Variants in NUMBL observed in about 807,000 individuals in gnomAD.
NUMBL encodes numb-like protein.
NUMBL carries 20 observed loss-of-function variants against 48.9 expected under a neutral mutation model. The ratio of observed to expected loss-of-function variants is 0.41; its 90% confidence interval spans 0.29 to 0.59. The LOEUF is 0.59. Ranked by LOEUF, NUMBL falls within the 20% of genes least tolerant of loss-of-function variation. The pLI is 0.31. For missense variants in NUMBL, 660 were observed against 846.2 expected (o/e 0.78, Z 2.73); for synonymous variants, 340 against 348.7 (o/e 0.98, Z 0.28).
intron 9 of NUMBL, among the ~76,000 whole-genome samples, chr19:40,669,249 C>G (rs894939143): frequency 6.6e-6 from 1 of 152,012 alleles, no homozygotes; most frequent in Non-Finnish European, 1.5e-5. Flanking sequence ...TCCTATGGCT[C>G]TAAGATGATC....
At chr19:40,675,574 TAAACAC>T (rs2081871455) in intron 7 of NUMBL, among the ~76,000 whole-genome samples, 1 of 121,574 alleles carries the variant, frequency 8.2e-6, no homozygotes, top group Non-Finnish European at 1.7e-5. Context: ...AATTATATTT[TAAACAC>T]ACACACACAC....
At chr19:40,672,297 C>T (rs17630360) in intron 8 of NUMBL, among the ~76,000 whole-genome samples, 4,895 of 152,254 alleles carry the variant, frequency 0.032, 121 homozygotes, top group Non-Finnish European at 0.036. Context: ...TCACCTTACC[C>T]GTCACCTGTC....
Position 40,682,809 on chromosome 19 carries a change from G to A in NUMBL, c.325-7C>T, listed in dbSNP as rs1434237030. ...TCACGGACTTTCGGCCCATCTGGAG[G>A]GAGGCAAGGGGACAAAGGAGCCGGG... On this transcript the variant is annotated splice_region_variant and splice_polypyrimidine_tract_variant and intron_variant, in intron 4 of 9. Transcript: ENST00000252891. The surrounding 1 kb of genome is among the most constrained non-coding windows in gnomAD (Gnocchi z 4.0). 2 of 1,614,148 alleles carry A rather than the reference G, an allele frequency of 1.2e-6. No individual in the cohort carries two copies. The highest frequency in any genetic ancestry group is 1.7e-6 in the Non-Finnish European group (2 of 1,180,020).
chr19:40,684,915 T>G (rs1599913777), intron 2 of NUMBL: 3 of 251,754 alleles, frequency 1.2e-5, no homozygotes, highest in Non-Finnish European at 2.3e-5. Context: ...ACACAAAGGG[T>G]GGGAAATCAG....
rs543740484 is a variant in NUMBL at position 40,687,351 on chromosome 19, A to T, written c.25-356T>A. On this transcript the variant is annotated intron_variant, in intron 1 of 9. Transcript: ENST00000252891. The surrounding 1 kb of genome is among the most constrained non-coding windows in gnomAD (Gnocchi z 4.6). Reference sequence around the variant, plus strand: ...CTAGCATCTGGCCACAGCTTTACACACTTGGTTACACATAGACGCAATCAC... The same window carrying T: ...CTAGCATCTGGCCACAGCTTTACACTCTTGGTTACACATAGACGCAATCAC... Among the ~76,000 whole-genome samples the T allele has an allele frequency of 6.6e-6, 1 of 152,242 alleles. No homozygotes were observed. Among genetic ancestry groups the T allele is most frequent in the East Asian group, 1.9e-4 (1 of 5,188 alleles).
At chr19:40,671,757 A>T (rs2081849234) in intron 8 of NUMBL, among the ~76,000 whole-genome samples, 1 of 152,210 alleles carries the variant, frequency 6.6e-6, no homozygotes, top group Admixed American at 6.5e-5. Context: ...GGAGCAAGAG[A>T]GTGGGCCAGA....
chr19:40,680,696 G>A (rs1035921022), intron 6 of NUMBL, among the ~76,000 whole-genome samples: 7 of 152,040 alleles, frequency 4.6e-5, no homozygotes, highest in Admixed American at 1.3e-4. Context: ...CAATCCCCCC[G>A]CCCCAGCATC....
In NUMBL at chr19:40,673,438, C is replaced by T. The variant is rs149576072; in HGVS notation, c.942G>A (p.Gln314=). 13 of 1,612,126 alleles carry T rather than the reference C, an allele frequency of 8.1e-6. No homozygotes were observed. Among genetic ancestry groups the T allele is most frequent in the African/African-American group, 4.0e-5 (3 of 74,894 alleles). The change falls in exon 8 of 10, where the codon CAG becomes CAA. Residue 314 remains glutamine (Q), a synonymous_variant. Coordinates refer to ENST00000252891, the MANE Select transcript of NUMBL (RefSeq NM_004756.5). This position sits in a 1 kb window ranked among gnomAD's most constrained non-coding sequence, Gnocchi z 5.9. The part of the protein sequence containing the change: ...GSFRGFPALS[Q]KNSPFKRQLS... ...GCTGCCGTTTGAAAGGCGAGTTCTT[C>T]TGGCTGAGTGCTGGGAACCCACGGA...
Position 40,682,597 on chromosome 19 carries a change from G to A in NUMBL, c.399+131C>T, listed in dbSNP as rs1229234730. 4.2e-5 allele frequency: 32 copies of A among 754,238 alleles called. No individual in the cohort carries two copies. Among genetic ancestry groups the A allele is most frequent in the Non-Finnish European group, 6.5e-5 (30 of 458,660 alleles). The allele number at this position is 754,238 out of a possible 1,614,324, so 46.7% of individuals were successfully genotyped here. A position where few individuals can be genotyped will look rare whatever the true frequency, so the allele number is the denominator to read the frequency against. On this transcript the variant is annotated intron_variant, in intron 5 of 9. Transcript: ENST00000252891. This position sits in a 1 kb window ranked among gnomAD's most constrained non-coding sequence, Gnocchi z 4.0. ...TTATTCCTGAGTTATGACGACAGAG[G>A]GAGCACACGGCATCGTCTAGAAGGT... is the stretch of plus-strand genomic sequence containing the variant.
In NUMBL at chr19:40,667,815, G is replaced by C; in HGVS notation, c.1483C>G (p.Pro495Ala). ...GGCATCGGTGGGTAGCCCAAGCCCG[G>C]GTAGGCGGGCACAAAAGGGGGCTGC... ...HMQPPFVPAY[P>A]GLGYPPMPRV... The change falls in exon 10 of 10, where the codon CCG becomes GCG. Residue 495 changes from proline to alanine, a missense_variant. Physicochemically the swap from Pro to Ala is conservative, Grantham distance 27. Coordinates refer to ENST00000252891, the MANE Select transcript of NUMBL (RefSeq NM_004756.5). This position sits in a 1 kb window ranked among gnomAD's most constrained non-coding sequence, Gnocchi z 6.1. The C allele has an allele frequency of 6.3e-7, 1 of 1,586,490 alleles. No homozygotes were observed. Among genetic ancestry groups the C allele is most frequent in the Non-Finnish European group, 8.6e-7 (1 of 1,166,868 alleles).
chr19:40,690,235 C>T (rs1280479652), intron 1 of NUMBL: 17 of 366,584 alleles, frequency 4.6e-5, no homozygotes, highest in Non-Finnish European at 8.3e-5. Context: ...TGTCCAGGAT[C>T]CCTATTTCCA....
At chr19:40,670,615 C>T (rs1006803775) in intron 8 of NUMBL, among the ~76,000 whole-genome samples, 2 of 152,230 alleles carry the variant, frequency 1.3e-5, no homozygotes, top group Admixed American at 1.3e-4. Context: ...GTGTGTGACA[C>T]ATGTCTGTGA....
intron 6 of NUMBL, 21 bp from the exon 7 acceptor site, chr19:40,677,442 G>A: frequency 5.0e-6 from 8 of 1,600,380 alleles, no homozygotes; most frequent in Non-Finnish European, 6.8e-6. Context: ...AGGATGGGCG[G>A]GGGGGTTAGA....
intron 6 of NUMBL, 138 bp downstream of exon 6, chr19:40,680,779 G>C: frequency 1.0e-6 from 1 of 967,410 alleles, no homozygotes; most frequent in Non-Finnish European, 1.6e-6. Flanking sequence ...TGGGAACCGT[G>C]AGTATACTTT....
chr19:40,686,803 C>T lies in NUMBL; in HGVS notation c.109+108G>A. 3 of 733,092 alleles carry T rather than the reference C, an allele frequency of 4.1e-6. No individual in the cohort carries two copies. In the South Asian group the frequency reaches 4.9e-5, roughly 12 times the overall value. 45.4% of individuals were successfully genotyped at this position (733,092 alleles called of 1,614,324 possible). The stretch of plus-strand genomic sequence containing the variant: ...TGAGGAAGATGCCTGAGGGTGTCCA[C>T]TCATGAGTGTGATTAAGCCTGTGTG... On this transcript the variant is annotated intron_variant, in intron 2 of 9. Coordinates refer to ENST00000252891, the MANE Select transcript of NUMBL (RefSeq NM_004756.5).
chr19:40,686,981 C>A lies in NUMBL; in HGVS notation c.39G>T (p.Arg13Ser). ...RSAAASGGPR[R>S]PERHLPPAPC... ...GGGCTGGGGGCAGGTGCCGCTCAGG[C>A]CTCCGGGGTCCGCCCTGCCCGAGTA... Residue 13 changes from arginine (R) to serine (S), a missense_variant, in exon 2 of 10, where the codon AGG (arginine) becomes AGT (serine). Transcript: ENST00000252891. 1 of 1,519,672 alleles carries A rather than the reference C, an allele frequency of 6.6e-7. No individual in the cohort carries two copies. The highest frequency in any genetic ancestry group is 2.4e-5 in the Admixed American group (1 of 42,486). 94.1% of individuals were successfully genotyped at this position (1,519,672 alleles called of 1,614,324 possible). A position where few individuals can be genotyped will look rare whatever the true frequency, so the allele number is the denominator to read the frequency against.
intron 8 of NUMBL, among the ~76,000 whole-genome samples, chr19:40,671,879 C>T (rs868433422): frequency 2.0e-5 from 3 of 152,080 alleles, no homozygotes; most frequent in Middle Eastern, 3.4e-3. Flanking sequence ...GCAGAGATTG[C>T]TCTTAATTTT....
At chr19:40,683,828 G>A (rs2081918432) in intron 3 of NUMBL, among the ~76,000 whole-genome samples, 1 of 152,184 alleles carries the variant, frequency 6.6e-6, no homozygotes, top group Non-Finnish European at 1.5e-5. Flanking sequence ...CTAGGCTGGA[G>A]TGCAATGGCA....
chr19:40,675,142 CAAAAA>C (rs71334931), intron 7 of NUMBL, among the ~76,000 whole-genome samples: 7 of 29,798 alleles, frequency 2.3e-4, no homozygotes, highest in Non-Finnish European at 3.0e-4. Context: ...GACTCTGTCT[CAAAAA>C]AAAAAAAAAA....
Sources: allele counts gnomAD v4.1 joint callset (sites outside exome capture counted in the v4.1 genomes callset), GRCh38; gene constraint gnomAD v4.1.1; non-coding constraint Gnocchi (gnomAD v3.1); transcripts MANE v1.5; gene names NCBI Gene and HGNC (gene_info 2026-07-23, HGNC 2026-07-21).